CLNK: variants seen among roughly 807,000 people sequenced by gnomAD.
CLNK encodes cytokine dependent hematopoietic cell linker, also known as cytokine-dependent hematopoietic cell linker.
A neutral mutation model predicts 68.6 loss-of-function variants in CLNK; 74 were observed. That is an observed-to-expected ratio of 1.08 (90% CI 0.89 to 1.31). CLNK has a LOEUF of 1.31. Ranked by LOEUF, CLNK falls within the 50% of genes most tolerant of loss-of-function variation. The pLI is 0.00. For missense variants in CLNK, 553 were observed against 515.3 expected (o/e 1.07, Z -0.71); for synonymous variants, 198 against 172.2 (o/e 1.15, Z -1.17).
chr4:10,688,841 T>C (rs1049578367), upstream of CLNK, among the ~76,000 whole-genome samples: 3 of 152,200 alleles, frequency 2.0e-5, no homozygotes, highest in Non-Finnish European at 4.4e-5. Context: ...ATCTCTGCTT[T>C]AAATATCATT....
intron 12 of CLNK, among the ~76,000 whole-genome samples, chr4:10,530,145 G>C (rs969994575): frequency 6.6e-6 from 1 of 151,910 alleles, no homozygotes; most frequent in Non-Finnish European, 1.5e-5. Flanking sequence ...GAGACACGGC[G>C]GTGGGGAAGA....
chr4:10,540,182 T>A (rs1338905901), intron 11 of CLNK, among the ~76,000 whole-genome samples: 1 of 152,178 alleles, frequency 6.6e-6, no homozygotes, highest in African/African-American at 2.4e-5. Flanking sequence ...ATCTGATGGT[T>A]TTATACAGGG....
At chr4:10,699,494 C>A in the CLNK span, among the ~76,000 whole-genome samples, 29,588 of 56,938 alleles carry the variant, frequency 0.52, 7,560 homozygotes, top group South Asian at 0.62. Context: ...CTCTCTCTCT[C>A]TATATATATA....
rs1013785890 is a variant in CLNK at position 10,512,834 on chromosome 4, C to A, written c.906+630G>T. Reference sequence around the variant, plus strand: ...AGAAAGCATACAAGATACAGTGAAACTTTATCCCCCCCACCATAGGGTAAT... The same window carrying A: ...AGAAAGCATACAAGATACAGTGAAAATTTATCCCCCCCACCATAGGGTAAT... On this transcript the variant is annotated intron_variant, in intron 16 of 18. Coordinates refer to ENST00000226951, the MANE Select transcript of CLNK (RefSeq NM_052964.4). 7.3e-5 allele frequency among the ~76,000 whole-genome samples: 11 copies of A among 151,224 alleles called. No individual in the cohort carries two copies. The Admixed American group carries it at 7.3e-4, about 10-fold the overall frequency.
intron 2 of CLNK, among the ~76,000 whole-genome samples, chr4:10,621,942 G>A (rs1331104989): frequency 3.9e-5 from 6 of 152,182 alleles, no homozygotes. Context: ...TGATTGCGAT[G>A]CTGAGAAAAT....
intron 5 of CLNK, among the ~76,000 whole-genome samples, chr4:10,568,469 T>C (rs1720211219): frequency 6.6e-6 from 1 of 152,184 alleles, no homozygotes; most frequent in South Asian, 2.1e-4. Context: ...AAAAAAACCA[T>C]TAAATTGTAC....
the CLNK span, among the ~76,000 whole-genome samples, chr4:10,711,964 T>C: frequency 1.3e-5 from 2 of 152,126 alleles, no homozygotes; most frequent in Non-Finnish European, 2.9e-5. Flanking sequence ...AAATATTGGC[T>C]GGGGCACCGG....
At chr4:10,682,657 C>G (rs1325143008) in intron 1 of CLNK, among the ~76,000 whole-genome samples, 1 of 152,218 alleles carries the variant, frequency 6.6e-6, no homozygotes, top group Non-Finnish European at 1.5e-5. Flanking sequence ...AAGTCACACA[C>G]TAGATTCATG....
chr4:10,650,678 G>A (rs1723693231), intron 2 of CLNK, among the ~76,000 whole-genome samples: 1 of 151,896 alleles, frequency 6.6e-6, no homozygotes, highest in African/African-American at 2.4e-5. Flanking sequence ...GGCTTTTTTA[G>A]CATTAAAAAG....
chr4:10,596,405 C>G (rs1721390382), intron 3 of CLNK, among the ~76,000 whole-genome samples: 1 of 152,194 alleles, frequency 6.6e-6, no homozygotes, highest in Non-Finnish European at 1.5e-5. Flanking sequence ...ATAAGCAGCT[C>G]AGATGAGGTT....
At chr4:10,559,771 A>G (rs780721639) in intron 7 of CLNK, among the ~76,000 whole-genome samples, 1 of 152,190 alleles carries the variant, frequency 6.6e-6, no homozygotes, top group Non-Finnish European at 1.5e-5. Flanking sequence ...AATATTTACT[A>G]GTACCTACTA....
At chr4:10,673,651 C>T (rs1289655489) in intron 1 of CLNK, among the ~76,000 whole-genome samples, 1 of 149,110 alleles carries the variant, frequency 6.7e-6, no homozygotes, top group Non-Finnish European at 1.5e-5. Flanking sequence ...GGGAACATCA[C>T]ACACTGGGGC....
chr4:10,726,520 T>A, the CLNK span, among the ~76,000 whole-genome samples: 4 of 152,174 alleles, frequency 2.6e-5, no homozygotes, highest in Non-Finnish European at 4.4e-5. Flanking sequence ...CTTAACTAAT[T>A]ACATCTGCAA....
chr4:10,535,207 AAGAAAG>A (rs1044642372), intron 11 of CLNK, among the ~76,000 whole-genome samples: 9 of 132,570 alleles, frequency 6.8e-5, no homozygotes, highest in Admixed American at 2.5e-4. Flanking sequence ...AAAAGAAAGA[AAGAAAG>A]AGAAAGAAAG....
At chr4:10,553,040 G>T (rs1719522456) in intron 8 of CLNK, among the ~76,000 whole-genome samples, 1 of 135,852 alleles carries the variant, frequency 7.4e-6, no homozygotes, top group Non-Finnish European at 1.6e-5. Context: ...CCAGGGACTG[G>T]CAGGAAGAGG....
At chr4:10,571,898 T>G in intron 4 of CLNK, 120 bp from the exon 5 acceptor site, 1 of 742,104 alleles carries the variant, frequency 1.3e-6, no homozygotes, top group Non-Finnish European at 2.2e-6. Flanking sequence ...CTTACCTTGA[T>G]TGTGATTTTT....
chr4:10,626,465 C>T (rs184731418), intron 2 of CLNK, among the ~76,000 whole-genome samples: 4 of 152,284 alleles, frequency 2.6e-5, no homozygotes, highest in Non-Finnish European at 5.9e-5. Flanking sequence ...GTCAGCTTCT[C>T]CCTCCTCACT....
chr4:10,677,763 C>A (rs545248404), intron 1 of CLNK, among the ~76,000 whole-genome samples: 135 of 152,102 alleles, frequency 8.9e-4, no homozygotes, highest in Admixed American at 2.7e-3. Flanking sequence ...GTCAATTAAA[C>A]CTCTTTCCGT....
rs1031797712 is a variant in CLNK, at chr4:10,591,939, G to A, written c.83+6039C>T. 6.6e-5 allele frequency among the ~76,000 whole-genome samples: 10 copies of A among 152,086 alleles called. No homozygotes were observed. In the South Asian group the frequency reaches 1.5e-3, roughly 22 times the overall value. On this transcript the variant is annotated intron_variant, in intron 3 of 18. Transcript: ENST00000226951. ...TTTGGGGCATGTAATTCCCTGAAGG[G>A]GACCTGGGAAAAACACTGGAAGTGT...
Sources: gnomAD v4.1 joint callset for allele counts (sites outside exome capture counted in the v4.1 genomes callset) on GRCh38, gnomAD v4.1.1 for gene constraint, MANE v1.5 for transcripts, NCBI Gene and HGNC (gene_info 2026-07-23, HGNC 2026-07-21) for gene names.